Variants in DIP2C observed in about 807,000 individuals in gnomAD.
The protein encoded by DIP2C is DIP2 acetate--CoA ligase C (putative).
DIP2C carries 33 observed loss-of-function variants against 192.4 expected under a neutral mutation model. The observed-to-expected ratio is 0.17, with a 90% CI of 0.13 to 0.23. The LOEUF (loss-of-function observed/expected upper bound fraction) is 0.23, where lower values mean the gene tolerates loss of function less well. Ranked by LOEUF, DIP2C falls within the 10% of genes least tolerant of loss-of-function variation. DIP2C has a pLI of 1.00. For missense variants in DIP2C, 1,537 were observed against 2,110.1 expected (o/e 0.73, Z 5.32); for synonymous variants, 979 against 864.1 (o/e 1.13, Z -2.33).
intron 1 of DIP2C, among the ~76,000 whole-genome samples, chr10:559,247 G>C (rs533149138): frequency 6.6e-6 from 1 of 151,606 alleles, no homozygotes; most frequent in Admixed American, 6.6e-5. Flanking sequence ...CCCTCGATCC[G>C]GGACCACAGA....
chr10:662,666 A>G (rs192611295), intron 1 of DIP2C: 5 of 562,010 alleles, frequency 8.9e-6, no homozygotes, highest in African/African-American at 7.5e-5. Flanking sequence ...TTTCTTTTTC[A>G]TCTTTTTAAA....
At chr10:550,779 A>G (rs1848541971) in intron 1 of DIP2C, among the ~76,000 whole-genome samples, 2 of 152,238 alleles carry the variant, frequency 1.3e-5, no homozygotes, top group South Asian at 4.1e-4. Context: ...GTTGCAATAA[A>G]CAAGCATCCC....
chr10:689,634 C>G lies in DIP2C; in HGVS notation c.-56G>C, dbSNP rs1449749679. ...CCTCTTTGTTCGCAGGCGGAGGTCT[C>G]GGCGGCTCCTCGCGCCCGGCGGAAC... On this transcript the variant is annotated 5_prime_UTR_variant, in exon 1 of 37. Coordinates refer to ENST00000280886, the MANE Select transcript of DIP2C (RefSeq NM_014974.3). This position sits in a 1 kb window ranked among gnomAD's most constrained non-coding sequence, Gnocchi z 6.1. 9 of 1,052,888 alleles carry G rather than the reference C, an allele frequency of 8.5e-6. No homozygotes were observed. The highest frequency in any genetic ancestry group is 1.0e-5 in the Non-Finnish European group (9 of 870,372). 65.2% of individuals were successfully genotyped at this position (1,052,888 alleles called of 1,614,324 possible). A position where few individuals can be genotyped will look rare whatever the true frequency, so the allele number is the denominator to read the frequency against.
At chr10:488,380 G>T (rs1844171225) in intron 1 of DIP2C, among the ~76,000 whole-genome samples, 1 of 152,196 alleles carries the variant, frequency 6.6e-6, no homozygotes, top group Non-Finnish European at 1.5e-5. Context: ...CCCCAAAGAT[G>T]AAAGTGTTTA....
At chr10:503,004 TACAATTCCAGCATAAATTCCGCCAGAAC>T (rs1845349093) in intron 1 of DIP2C, among the ~76,000 whole-genome samples, 1 of 142,528 alleles carries the variant, frequency 7.0e-6, no homozygotes, top group East Asian at 2.1e-4. Flanking sequence ...GCAGACTTAT[TACAATTCCAGCATAAATTCCGCCAGAAC>T]ACTAACCTGC....
chr10:537,452 A>G (rs1055872230), intron 1 of DIP2C, among the ~76,000 whole-genome samples: 10 of 152,168 alleles, frequency 6.6e-5, no homozygotes, highest in African/African-American at 2.4e-4. Flanking sequence ...TTTTCTTCCC[A>G]CAAGTAGCCC....
At chr10:599,597 T>C (rs1307490211) in intron 1 of DIP2C, among the ~76,000 whole-genome samples, 1 of 152,138 alleles carries the variant, frequency 6.6e-6, no homozygotes, top group Admixed American at 6.5e-5. Context: ...CATGTTAACC[T>C]GAAAAGGGCA....
chr10:484,097 C>G (rs1843822145), intron 2 of DIP2C, among the ~76,000 whole-genome samples: 1 of 152,206 alleles, frequency 6.6e-6, no homozygotes, highest in South Asian at 2.1e-4. Flanking sequence ...GCGTGAGCCA[C>G]CACCCCCGGC....
intron 10 of DIP2C, among the ~76,000 whole-genome samples, chr10:398,041 G>A (rs945000499): frequency 6.6e-6 from 1 of 152,162 alleles, no homozygotes; most frequent in Non-Finnish European, 1.5e-5. Flanking sequence ...AGCAGGCCCT[G>A]AAAGAAATCG....
chr10:627,806 A>G (rs116275282), intron 1 of DIP2C, among the ~76,000 whole-genome samples: 6,541 of 152,286 alleles, frequency 0.043, 482 homozygotes, highest in African/African-American at 0.15. Context: ...CGCTTACAGG[A>G]CTTCACGAGA....
At chr10:398,286 C>T (rs79190966) in intron 10 of DIP2C, among the ~76,000 whole-genome samples, 1,710 of 152,234 alleles carry the variant, frequency 0.011, 40 homozygotes, top group African/African-American at 0.039. Flanking sequence ...ATAATAAAAT[C>T]CTTGGTCTCC....
At chr10:513,211 G>A (rs72774539) in intron 1 of DIP2C, among the ~76,000 whole-genome samples, 4,594 of 152,106 alleles carry the variant, frequency 0.03, 92 homozygotes, top group Non-Finnish European at 0.05. Flanking sequence ...ATGTTTAGTC[G>A]TTCATGTTAG....
intron 1 of DIP2C, among the ~76,000 whole-genome samples, chr10:660,345 C>T (rs931149850): frequency 4.3e-4 from 52 of 122,012 alleles, no homozygotes; most frequent in East Asian, 4.9e-4. Context: ...AAACAGAGAT[C>T]CTAGCCCTTG....
intron 32 of DIP2C, among the ~76,000 whole-genome samples, chr10:298,732 GA>G (rs776754110): frequency 3.6e-4 from 55 of 152,352 alleles, no homozygotes; most frequent in South Asian, 8.3e-4. Context: ...ACAGGGCAGA[GA>G]AGCAAGGTGA....
intron 4 of DIP2C, among the ~76,000 whole-genome samples, chr10:437,113 G>A (rs1967314533): frequency 8.3e-6 from 1 of 119,804 alleles, no homozygotes; most frequent in Non-Finnish European, 1.7e-5. Context: ...ACATGGTAGG[G>A]TGATATGCTC....
intron 32 of DIP2C, among the ~76,000 whole-genome samples, chr10:290,269 C>T (rs780721016): frequency 6.6e-5 from 10 of 152,358 alleles, no homozygotes; most frequent in South Asian, 2.1e-4. Flanking sequence ...CAAACTCTTA[C>T]GGAACACGCC....
chr10:340,940 T>G (rs1589537129), intron 29 of DIP2C: 1 of 564,186 alleles, frequency 1.8e-6, no homozygotes, highest in Non-Finnish European at 3.4e-6. Context: ...AGTCTTCTGA[T>G]TGTCAGAAAT....
At chr10:329,667 G>GCAAGGCTGGA in intron 29 of DIP2C, 66 bp from the exon 30 acceptor site, 1 of 1,538,968 alleles carries the variant, frequency 6.5e-7, no homozygotes. Flanking sequence ...AAGGCTGGAG[G>GCAAGGCTGGA]GCTCAGGGCA....
chr10:626,140 T>C (rs1437003969), intron 1 of DIP2C, among the ~76,000 whole-genome samples: 1 of 152,220 alleles, frequency 6.6e-6, no homozygotes, highest in Non-Finnish European at 1.5e-5. Flanking sequence ...TAACGAGGGC[T>C]GACACTAACG....
Sources: allele counts gnomAD v4.1 joint callset (sites outside exome capture counted in the v4.1 genomes callset), GRCh38; gene constraint gnomAD v4.1.1; non-coding constraint Gnocchi (gnomAD v3.1); transcripts MANE v1.5; gene names NCBI Gene and HGNC (gene_info 2026-07-23, HGNC 2026-07-21).